The following PLCD1 variants were observed in gnomAD, a reference collection of about 807,000 sequenced individuals.
PLCD1 encodes the protein phospholipase C delta 1.
PLCD1 carries 71 observed loss-of-function variants against 87.4 expected under a neutral mutation model. That is an observed-to-expected ratio of 0.81 (90% confidence interval 0.67 to 0.99). PLCD1 has a LOEUF of 0.99. PLCD1 is among the 50% of genes least tolerant of loss of function. The pLI is 0.00. For synonymous variants in PLCD1, 348 were observed against 399.2 expected (o/e 0.87, Z 1.53); for missense variants, 867 against 1,001.5 (o/e 0.87, Z 1.81).
Position 38,009,281 on chromosome 3 carries a change from G to A in PLCD1, c.1597C>T (p.Gln533Ter), listed in dbSNP as rs763471279. The A allele has an allele frequency of 1.2e-6, 2 of 1,614,150 alleles. No homozygotes were observed. The highest frequency in any genetic ancestry group is 1.7e-6 in the Non-Finnish European group (2 of 1,180,016). ...GGGAGCCAGGCCTCACCTGATTCTT[G>A]GAGCAGTCGAAGGGCACGGTTCTCA... ...FSENRALRLL[Q>*]ESGNGFVRHN... Residue 533 changes from glutamine (Q) to a stop codon, truncating the protein, a stop_gained, in exon 10 of 15, where the codon CAA (glutamine) becomes TAA (stop). Coordinates refer to ENST00000334661, the MANE Select transcript of PLCD1 (RefSeq NM_006225.4). LOFTEE classifies it high-confidence loss of function.
At position 38,008,216 on chromosome 3, in the gene PLCD1, G is replaced by A. The variant is rs1466733044; in HGVS notation, c.2035+19C>T. On this transcript the variant is annotated intron_variant, in intron 13 of 14. Transcript: ENST00000334661. ...CATGGACACCAGCCCTAGTAGCCCAGCCCAGGCCCAGCACCTACCATTGTT... is the reference window on the plus strand; with the variant it reads ...CATGGACACCAGCCCTAGTAGCCCAACCCAGGCCCAGCACCTACCATTGTT... 2 of 1,613,764 alleles carry A rather than the reference G, an allele frequency of 1.2e-6. No homozygotes were observed. Among genetic ancestry groups the A allele is most frequent in the Non-Finnish European group, 1.7e-6 (2 of 1,180,032 alleles).
At position 38,009,266 on chromosome 3, in the gene PLCD1, C is replaced by A. The variant is rs760238008; in HGVS notation, c.1606+6G>T. On this transcript the variant is annotated splice_donor_region_variant and intron_variant, in intron 10 of 14. Coordinates refer to ENST00000334661, the MANE Select transcript of PLCD1 (RefSeq NM_006225.4). ...AGCAGGGGAGTGGTGGGGAGCCAGG[C>A]CTCACCTGATTCTTGGAGCAGTCGA... 1 of 1,614,066 alleles carries A rather than the reference C, an allele frequency of 6.2e-7. No homozygotes were observed. The highest frequency in any genetic ancestry group is 1.1e-5 in the South Asian group (1 of 91,084).
At chr3:38,024,704 C>T in intron 1 of PLCD1, 1 of 1,478,656 alleles carries the variant, frequency 6.8e-7, no homozygotes, top group Non-Finnish European at 9.0e-7. Context: ...GGGACCTATG[C>T]CCCCTGAAGG....
intron 3 of PLCD1, among the ~76,000 whole-genome samples, chr3:38,015,386 ATAGAGGCAGAAAGTAGATTAGTGGCTGTC>A (rs759819445): frequency 1.2e-4 from 19 of 152,218 alleles, no homozygotes; most frequent in Non-Finnish European, 2.4e-4. Context: ...AGGAAAGTGT[ATAGAGGCAGAAAGTAGATTAGTGGCTGTC>A]TAGGGCTGGG....
At position 38,008,283 on chromosome 3, in the gene PLCD1, C is replaced by A. The variant is rs78426951; in HGVS notation, c.1987G>T (p.Val663Leu). 2,317 of 1,614,234 alleles carry A rather than the reference C, an allele frequency of 1.4e-3. 5 individuals carry two copies. The highest frequency in any genetic ancestry group is 3.0e-3 in the Admixed American group (180 of 60,034). Residue 663 changes from valine (V) to leucine (L), a missense_variant, in exon 13 of 15, where the codon GTG becomes TTG. By Grantham distance (32) the Val-to-Leu change is conservative. Transcript: ENST00000334661. ...TGGCGGCTGGCCACGTCCCGGCTCA[C>A]GCCATGGATCTCCACTGTCACTTTG... ...DPKVTVEIHGVSRDVASRQTA... is the reference protein window; with the variant it reads ...DPKVTVEIHGLSRDVASRQTA...
At chr3:38,019,232 C>A (rs1700199167) in intron 2 of PLCD1, among the ~76,000 whole-genome samples, 1 of 152,180 alleles carries the variant, frequency 6.6e-6, no homozygotes, top group Non-Finnish European at 1.5e-5. Context: ...CTATGTGAAA[C>A]CCAGGCTGCA....
intron 3 of PLCD1, among the ~76,000 whole-genome samples, chr3:38,012,307 G>A (rs1700092567): frequency 6.6e-6 from 1 of 151,698 alleles, no homozygotes; most frequent in African/African-American, 2.4e-5. Context: ...ATCTGGACTG[G>A]TTTTCAACAT....
rs1447323068 is a variant in PLCD1 at position 38,025,026 on chromosome 3, A to C, written c.34+4480T>G. On this transcript the variant is annotated intron_variant, in intron 1 of 14. Transcript: ENST00000334661. This position sits in a 1 kb window ranked among gnomAD's most constrained non-coding sequence, Gnocchi z 4.0. ...GAAGCCTGGGGGCGGGGCCAGAGCC[A>C]AGGCAGCGGGGCGAAGGAGGGGCCA... Among the ~76,000 whole-genome samples the C allele has an allele frequency of 4.0e-5, 6 of 151,504 alleles. No homozygotes were observed. The South Asian group carries it at 1.0e-3, about 26-fold the overall frequency.
At position 38,024,369 on chromosome 3, in the gene PLCD1, A is replaced by C. The variant is rs766740477; in HGVS notation, c.35-4017T>G. On this transcript the variant is annotated intron_variant, in intron 1 of 14. Coordinates refer to ENST00000334661, the MANE Select transcript of PLCD1 (RefSeq NM_006225.4). The stretch of plus-strand genomic sequence containing the variant: ...CCGTCCATTGAGCGCCGCCACCTTA[A>C]GGCTCCGCTCCTGCAGGTAGAGCTC... 1.2e-6 allele frequency: 2 copies of C among 1,612,902 alleles called. No homozygotes were observed. The highest frequency in any genetic ancestry group is 1.7e-6 in the Non-Finnish European group (2 of 1,179,846).
Position 38,013,180 on chromosome 3 carries a change from G to A in PLCD1, c.429-1507C>T, listed in dbSNP as rs116814926. ...GCTAGGACTAGAGGTGTGAGCCGCC[G>A]AGCCCAGCCTTTCTGGATTTTAATT... On this transcript the variant is annotated intron_variant, in intron 3 of 14. Coordinates refer to ENST00000334661, the MANE Select transcript of PLCD1 (RefSeq NM_006225.4). Among the ~76,000 whole-genome samples, 942 of 150,772 alleles carry A rather than the reference G, an allele frequency of 6.2e-3. 2 individuals carry two copies. Among genetic ancestry groups the A allele is most frequent in the Non-Finnish European group, 0.01 (682 of 67,836 alleles).
rs1700185075 is a variant in PLCD1 at position 38,018,178 on chromosome 3, C to T, written c.200-1459G>A. ...CAGAAGGGGAGGCTATTCCAGGCCT[C>T]CCTCACCTGGCCTCTGTTTTCCAGG... On this transcript the variant is annotated intron_variant, in intron 2 of 14. Coordinates refer to ENST00000334661, the MANE Select transcript of PLCD1 (RefSeq NM_006225.4). The surrounding 1 kb of genome is among the most constrained non-coding windows in gnomAD (Gnocchi z 5.7). Among the ~76,000 whole-genome samples, 1 of 152,180 alleles carries T rather than the reference C, an allele frequency of 6.6e-6. No homozygotes were observed. Among genetic ancestry groups the T allele is most frequent in the African/African-American group, 2.4e-5 (1 of 41,450 alleles).
intron 1 of PLCD1, among the ~76,000 whole-genome samples, chr3:38,027,041 C>T (rs1295105991): frequency 2.0e-5 from 3 of 152,048 alleles, no homozygotes; most frequent in Non-Finnish European, 4.4e-5. Flanking sequence ...AGGTAATGTC[C>T]TTTGGGGCAC....
intron 1 of PLCD1, among the ~76,000 whole-genome samples, chr3:38,028,951 G>T (rs1257194711): frequency 6.6e-6 from 1 of 152,258 alleles, no homozygotes; most frequent in South Asian, 2.1e-4. Flanking sequence ...TTCAGCCTGA[G>T]CATCGCTGAC....
intron 9 of PLCD1, 29 bp from the exon 10 acceptor site, chr3:38,009,460 A>T: frequency 6.2e-7 from 1 of 1,613,386 alleles, no homozygotes; most frequent in South Asian, 1.1e-5. Flanking sequence ...CCCGGGTTAG[A>T]TTCAGTGGTT....
In PLCD1 at chr3:38,009,316, G is replaced by A. The variant is rs2125543436; in HGVS notation, c.1562C>T (p.Ala521Val). The stretch of plus-strand genomic sequence containing the variant: ...AAGGGCACGGTTCTCAGAGAAGGAC[G>A]CCATCTCGTAGAAGGCCTGTCCAGG... ...GTPGQAFYEM[A>V]SFSENRALRL... Residue 521 changes from alanine to valine, a missense_variant, in exon 10 of 15, where the codon GCG (alanine) becomes GTG (valine). Coordinates refer to ENST00000334661, the MANE Select transcript of PLCD1 (RefSeq NM_006225.4). The A allele has an allele frequency of 3.7e-6, 6 of 1,614,182 alleles. No homozygotes were observed. Among genetic ancestry groups the A allele is most frequent in the Non-Finnish European group, 5.1e-6 (6 of 1,180,018 alleles).
In PLCD1 at chr3:38,010,259, A is replaced by C. The variant is rs1475857600; in HGVS notation, c.1009T>G (p.Cys337Gly). The change falls in exon 7 of 15, where the codon TGC becomes GGC. Residue 337 changes from cysteine (C) to glycine (G), a missense_variant. Physicochemically the swap from Cys to Gly is radical, Grantham distance 159. Transcript: ENST00000334661. ...EAYIRALCKGCRCLELDCWDG... is the reference protein window; with the variant it reads ...EAYIRALCKGGRCLELDCWDG... Reference sequence around the variant, plus strand: ...CAGCAGTCAAGCTCCAGGCATCGGCAGCCTTTGCACAGTGCCCTGCGGGGA... The same window carrying C: ...CAGCAGTCAAGCTCCAGGCATCGGCCGCCTTTGCACAGTGCCCTGCGGGGA... 6.2e-7 allele frequency: 1 copy of C among 1,614,240 alleles called. No individual in the cohort carries two copies. Among genetic ancestry groups the C allele is most frequent in the East Asian group, 2.2e-5 (1 of 44,874 alleles).
chr3:38,024,620 G>T (rs1013166633), intron 1 of PLCD1: 12 of 1,517,472 alleles, frequency 7.9e-6, no homozygotes, highest in Non-Finnish European at 1.1e-5. Context: ...GCACTTCGGA[G>T]GGGCGGGACG....
In PLCD1 at chr3:38,016,656, G is replaced by A. The variant is rs898187247; in HGVS notation, c.263C>T (p.Ala88Val). The change falls in exon 3 of 15, where the codon GCC becomes GTC. Residue 88 changes from alanine to valine, a missense_variant. Coordinates refer to ENST00000334661, the MANE Select transcript of PLCD1 (RefSeq NM_006225.4). ...GCAGCGGTCCTCGGGCACATCACGG[G>A]CGAACTTCTCCAGACCCTCCGTGCG... ...GHRTEGLEKF[A>V]RDVPEDRCFS... 1.9e-6 allele frequency: 3 copies of A among 1,599,290 alleles called. No homozygotes were observed. The highest frequency in any genetic ancestry group is 2.6e-6 in the Non-Finnish European group (3 of 1,172,648).
Position 38,008,464 on chromosome 3 carries a change from G to C in PLCD1, c.1896C>G (p.Asn632Lys), listed in dbSNP as rs182863227. 385 of 1,614,168 alleles carry C rather than the reference G, an allele frequency of 2.4e-4. No homozygotes were observed. The highest frequency in any genetic ancestry group is 3.0e-4 in the Non-Finnish European group (356 of 1,180,002). Reference protein sequence around the residue: ...QGPWWARKRLNIRVISGQQLP... With the variant: ...QGPWWARKRLKIRVISGQQLP... ...CCTCCTAGGTCCAGCGTACCCTGAT[G>C]TTGAGCCGCTTCCGTGCCCACCAGG... Residue 632 changes from asparagine to lysine, a missense_variant, in exon 12 of 15, where the codon AAC (asparagine) becomes AAG (lysine). Physicochemically the swap from Asn to Lys is moderately conservative, Grantham distance 94. Transcript: ENST00000334661.
Sources: allele counts gnomAD v4.1 joint callset (sites outside exome capture counted in the v4.1 genomes callset), GRCh38; gene constraint gnomAD v4.1.1; non-coding constraint Gnocchi (gnomAD v3.1); transcripts MANE v1.5; gene names NCBI Gene and HGNC (gene_info 2026-07-23, HGNC 2026-07-21).